The following B3GALT1 variants were observed in gnomAD, a reference collection of about 807,000 sequenced individuals.
B3GALT1 encodes the protein UDP-Gal:betaGlcNAc beta 1,3-galactosyltransferase, polypeptide 1.
B3GALT1 carries 10 observed loss-of-function variants against 23.2 expected under a neutral mutation model. The ratio of observed to expected loss-of-function variants is 0.43; its 90% confidence interval spans 0.27 to 0.73. The LOEUF is 0.73. B3GALT1 is among the 30% of genes least tolerant of loss of function. The pLI is 0.21. For synonymous variants in B3GALT1, 156 were observed against 141.5 expected (o/e 1.10, Z -0.73); for missense variants, 299 against 405.4 (o/e 0.74, Z 2.25).
chr2:167,791,408 G>A (rs1415384678), intron 3 of B3GALT1, among the ~76,000 whole-genome samples: 1 of 152,142 alleles, frequency 6.6e-6, no homozygotes, highest in African/African-American at 2.4e-5. Flanking sequence ...TGGCTACCTG[G>A]TTTTTCCAAG....
chr2:167,308,414 C>T (rs1696581734), intron 1 of B3GALT1, among the ~76,000 whole-genome samples: 1 of 152,002 alleles, frequency 6.6e-6, no homozygotes, highest in Admixed American at 6.6e-5. Flanking sequence ...TAGACATCGA[C>T]TGTAATTTCT....
chr2:167,415,323 G>A (rs1698452342), intron 1 of B3GALT1, among the ~76,000 whole-genome samples: 1 of 152,182 alleles, frequency 6.6e-6, no homozygotes, highest in Admixed American at 6.5e-5. Flanking sequence ...AGCCATCTCA[G>A]GTCTCTGCAG....
chr2:167,536,120 T>C (rs1244293711), intron 2 of B3GALT1, among the ~76,000 whole-genome samples: 1 of 152,142 alleles, frequency 6.6e-6, no homozygotes, highest in East Asian at 1.9e-4. Context: ...TTGATCAGGC[T>C]GGTGTCAAAC....
chr2:167,546,032 T>A (rs993177929), intron 2 of B3GALT1, among the ~76,000 whole-genome samples: 7 of 152,236 alleles, frequency 4.6e-5, no homozygotes, highest in African/African-American at 1.7e-4. Flanking sequence ...TGAGGTCTGG[T>A]GTGAAATTTT....
chr2:167,598,855 G>T lies in B3GALT1; in HGVS notation c.-409-48054G>T, dbSNP rs76296755. ...GCTTAAGGCTTTTCACAATAAACTC[G>T]ATCGTAAGAGTGGGTTAATTAAAAT... On this transcript the variant is annotated intron_variant, in intron 2 of 4. Transcript: ENST00000392690. Among the ~76,000 whole-genome samples, 157 of 152,204 alleles carry T rather than the reference G, an allele frequency of 1.0e-3. 1 individual carries two copies. The highest frequency in any genetic ancestry group is 3.6e-3 in the African/African-American group (150 of 41,528).
In B3GALT1 at chr2:167,365,366, G is replaced by A. The variant is rs557734813; in HGVS notation, c.-511+72032G>A. ...TTTAAAACCAGGCATAACACTTCAG[G>A]TTATGTTTCATTTATTCTCACTAAA... On this transcript the variant is annotated intron_variant, in intron 1 of 4. Coordinates refer to ENST00000392690, the MANE Select transcript of B3GALT1 (RefSeq NM_020981.4). Among the ~76,000 whole-genome samples the A allele has an allele frequency of 3.2e-4, 48 of 152,116 alleles. 1 individual carries two copies. Among genetic ancestry groups the A allele is most frequent in the African/African-American group, 1.0e-3 (42 of 41,512 alleles).
At chr2:167,654,734 ACTC>A (rs1383476868) in intron 3 of B3GALT1, among the ~76,000 whole-genome samples, 6 of 149,638 alleles carry the variant, frequency 4.0e-5, no homozygotes, top group Middle Eastern at 3.2e-3. Flanking sequence ...GGCTTCAAGA[ACTC>A]CTCCTACCTC....
At chr2:167,421,453 T>G (rs1341195715) in intron 1 of B3GALT1, among the ~76,000 whole-genome samples, 1 of 152,166 alleles carries the variant, frequency 6.6e-6, no homozygotes, top group Non-Finnish European at 1.5e-5. Flanking sequence ...TTTAGTAAGC[T>G]CTCAGGTTCT....
intron 1 of B3GALT1, among the ~76,000 whole-genome samples, chr2:167,342,098 C>T (rs887351239): frequency 1.3e-5 from 2 of 152,054 alleles, no homozygotes; most frequent in African/African-American, 4.8e-5. Context: ...GTTATAAAGT[C>T]TTTGAAGGCA....
intron 2 of B3GALT1, among the ~76,000 whole-genome samples, chr2:167,560,104 C>T (rs1457935020): frequency 6.6e-6 from 1 of 152,192 alleles, no homozygotes; most frequent in African/African-American, 2.4e-5. Flanking sequence ...AACAGCAGAT[C>T]TCTCAGCAGA....
At chr2:167,667,947 T>C (rs1686236200) in intron 3 of B3GALT1, among the ~76,000 whole-genome samples, 1 of 152,230 alleles carries the variant, frequency 6.6e-6, no homozygotes, top group Admixed American at 6.5e-5. Flanking sequence ...TTCTCTCAGC[T>C]TGTCAAAGTC....
At chr2:167,755,844 A>C (rs1030049754) in intron 3 of B3GALT1, among the ~76,000 whole-genome samples, 3 of 151,940 alleles carry the variant, frequency 2.0e-5, no homozygotes, top group African/African-American at 7.3e-5. Flanking sequence ...GCATAGTGGC[A>C]CAATTTTGTG....
chr2:167,382,760 A>C (rs1697863856), intron 1 of B3GALT1, among the ~76,000 whole-genome samples: 1 of 152,020 alleles, frequency 6.6e-6, no homozygotes, highest in Admixed American at 6.6e-5. Context: ...TCATGTCTGA[A>C]TTTTCATGGA....
At chr2:167,563,908 A>T (rs1684084973) in intron 2 of B3GALT1, among the ~76,000 whole-genome samples, 1 of 79,284 alleles carries the variant, frequency 1.3e-5, no homozygotes, top group Non-Finnish European at 2.5e-5. Context: ...GGCGGGGCCG[A>T]TCCCCCCACC....
At chr2:167,831,099 CA>C (rs1340107952) in intron 4 of B3GALT1, among the ~76,000 whole-genome samples, 1 of 152,228 alleles carries the variant, frequency 6.6e-6, no homozygotes, top group Non-Finnish European at 1.5e-5. Flanking sequence ...AAGTATTCAT[CA>C]ACTCTTTGAA....
chr2:167,589,878 A>T (rs1426908087), intron 2 of B3GALT1, among the ~76,000 whole-genome samples: 1 of 152,162 alleles, frequency 6.6e-6, no homozygotes, highest in Admixed American at 6.5e-5. Context: ...GCTCAGCAAC[A>T]AAACTTGGGT....
intron 2 of B3GALT1, among the ~76,000 whole-genome samples, chr2:167,556,368 CTACT>C (rs1372249015): frequency 1.3e-5 from 2 of 152,070 alleles, no homozygotes; most frequent in African/African-American, 4.8e-5. Flanking sequence ...TAGAAAATCT[CTACT>C]TATCTATTTA....
intron 1 of B3GALT1, among the ~76,000 whole-genome samples, chr2:167,364,182 AAAAAG>A (rs940047901): frequency 3.3e-5 from 5 of 150,390 alleles, no homozygotes; most frequent in African/African-American, 1.2e-4. Context: ...AAAAAAAAAA[AAAAAG>A]GAAGAAAAGA....
chr2:167,340,934 C>CA (rs1697137587), intron 1 of B3GALT1, among the ~76,000 whole-genome samples: 1 of 151,718 alleles, frequency 6.6e-6, no homozygotes. Flanking sequence ...TTCAAGATTA[C>CA]AAAGGAAATA....
Sources: allele counts gnomAD v4.1 joint callset (sites outside exome capture counted in the v4.1 genomes callset), GRCh38; gene constraint gnomAD v4.1.1; transcripts MANE v1.5; gene names NCBI Gene and HGNC (gene_info 2026-07-23, HGNC 2026-07-21).